Variants in CDCA7L observed in about 807,000 individuals in gnomAD.
The protein encoded by CDCA7L is cell division cycle associated 7 like.
A neutral mutation model predicts 57.4 loss-of-function variants in CDCA7L; 44 were observed. The observed-to-expected ratio is 0.77, with a 90% CI of 0.60 to 0.98. CDCA7L has a LOEUF of 0.98. Among genes scored for constraint, CDCA7L ranks in the 50% least tolerant of loss-of-function variants. The probability of loss-of-function intolerance (pLI) is 0.00; values close to 1 mark genes in which losing one functional copy is unlikely to be tolerated. For synonymous variants in CDCA7L, 236 were observed against 202.8 expected (o/e 1.16, Z -1.39); for missense variants, 644 against 580.6 (o/e 1.11, Z -1.12).
Position 21,901,159 on chromosome 7 carries a change from A to G in CDCA7L, c.*1163T>C. The G allele has an allele frequency of 6.2e-7, 1 of 1,612,538 alleles. No homozygotes were observed. On this transcript the variant is annotated 3_prime_UTR_variant, in exon 10 of 10. Coordinates refer to ENST00000406877, the MANE Select transcript of CDCA7L (RefSeq NM_018719.5). ...GTGCCCTGTGTATAGAACCAAACTG[A>G]GAGGCCCCAGCTACATCTGGACCTT...
chr7:21,901,190 TGAAGAGC>T lies in CDCA7L; in HGVS notation c.*1125_*1131del, dbSNP rs1212535211. 3.7e-6 allele frequency: 6 copies of T among 1,613,494 alleles called. No individual in the cohort carries two copies. Among genetic ancestry groups the T allele is most frequent in the South Asian group, 1.1e-5 (1 of 90,962 alleles). ...CCCAGCTACATCTGGACCTTCAGGCTGAAGAGCGAAGAGAAGACTGCAAAATGGGTTC... is the reference window on the plus strand; with the variant it reads ...CCCAGCTACATCTGGACCTTCAGGCTGAAGAGAAGACTGCAAAATGGGTTC... On this transcript the variant is annotated 3_prime_UTR_variant, in exon 10 of 10. Coordinates refer to ENST00000406877, the MANE Select transcript of CDCA7L (RefSeq NM_018719.5).
In CDCA7L at chr7:21,906,400, G is replaced by A. The variant is rs375239883; in HGVS notation, c.810C>T (p.Asn270=). The A allele has an allele frequency of 3.7e-6, 6 of 1,613,522 alleles. No homozygotes were observed. The highest frequency in any genetic ancestry group is 5.1e-6 in the Non-Finnish European group (6 of 1,179,732). ...CAGGAGGCCGCGCACTCCGGGTTGG[G>A]TTCATACGCCGCGTGATCTGTCCCT... The part of the protein sequence containing the change: ...FSEGQITRRM[N]PTRSARPPEK... The change falls in exon 6 of 10, where the codon AAC becomes AAT. Residue 270 remains asparagine (N), a synonymous_variant. Transcript: ENST00000406877.
At chr7:21,938,541 CT>C (rs769801967) in intron 1 of CDCA7L, among the ~76,000 whole-genome samples, 3 of 152,212 alleles carry the variant, frequency 2.0e-5, no homozygotes, top group African/African-American at 7.2e-5. Flanking sequence ...AGCAATTCTA[CT>C]TTTAGGAACA....
chr7:21,927,141 G>A lies in CDCA7L; in HGVS notation c.25-10247C>T, dbSNP rs1034159713. On this transcript the variant is annotated intron_variant, in intron 1 of 9. Coordinates refer to ENST00000406877, the MANE Select transcript of CDCA7L (RefSeq NM_018719.5). The stretch of plus-strand genomic sequence containing the variant: ...ACATATAAAAAAGAAGAAAAACCTG[G>A]CCCATTCAAAGAAGCAAAATTAATT... Among the ~76,000 whole-genome samples the A allele has an allele frequency of 3.3e-5, 5 of 152,224 alleles. No individual in the cohort carries two copies. The East Asian group carries it at 7.7e-4, about 24-fold the overall frequency.
In CDCA7L at chr7:21,901,001, C is replaced by T. The variant is rs745795906; in HGVS notation, c.*1321G>A. ...CACAATTGCAACCGCTGTGTTTTTGCCATAGGCGCCCGCTGGGACACCCAA... is the reference window on the plus strand; with the variant it reads ...CACAATTGCAACCGCTGTGTTTTTGTCATAGGCGCCCGCTGGGACACCCAA... On this transcript the variant is annotated 3_prime_UTR_variant, in exon 10 of 10. Coordinates refer to ENST00000406877, the MANE Select transcript of CDCA7L (RefSeq NM_018719.5). 6.3e-7 allele frequency: 1 copy of T among 1,577,968 alleles called. No individual in the cohort carries two copies. The highest frequency in any genetic ancestry group is 1.9e-5 in the Admixed American group (1 of 53,728).
intron 3 of CDCA7L, among the ~76,000 whole-genome samples, chr7:21,911,060 C>T (rs369553896): frequency 8.2e-4 from 95 of 116,020 alleles, no homozygotes; most frequent in African/African-American, 1.5e-3. Context: ...GATGGAGTCT[C>T]GCTCTGTCAC....
chr7:21,909,860 G>C (rs1347654871), intron 3 of CDCA7L, among the ~76,000 whole-genome samples: 2 of 152,170 alleles, frequency 1.3e-5, no homozygotes, highest in Non-Finnish European at 2.9e-5. Context: ...CACAAGTGTA[G>C]TACATGGATG....
chr7:21,917,950 T>A (rs200725424), intron 1 of CDCA7L, among the ~76,000 whole-genome samples: 1 of 75,974 alleles, frequency 1.3e-5, no homozygotes, highest in Non-Finnish European at 2.2e-5. Context: ...GCAACTGTTC[T>A]ATTTGATTTT....
At chr7:21,907,879 C>T (rs1301563809) in intron 4 of CDCA7L, among the ~76,000 whole-genome samples, 1 of 152,186 alleles carries the variant, frequency 6.6e-6, no homozygotes, top group Non-Finnish European at 1.5e-5. Context: ...CAACAGTAAG[C>T]AGCATTATGG....
Position 21,901,081 on chromosome 7 carries a change from A to ATCTT in CDCA7L, c.*1237_*1240dup. 7 of 1,613,876 alleles carry ATCTT rather than the reference A, an allele frequency of 4.3e-6. No individual in the cohort carries two copies. Among genetic ancestry groups the ATCTT allele is most frequent in the Non-Finnish European group, 5.9e-6 (7 of 1,179,782 alleles). ...GGAGCTGGCATGCCCTATGCCGGTC[A>ATCTT]TCTTTGCAAAAGCCACCCCCGTGGA... On this transcript the variant is annotated 3_prime_UTR_variant, in exon 10 of 10. Transcript: ENST00000406877.
chr7:21,915,036 G>T (rs1381675423), intron 2 of CDCA7L, among the ~76,000 whole-genome samples: 4 of 152,154 alleles, frequency 2.6e-5, no homozygotes, highest in African/African-American at 9.7e-5. Context: ...CTCAGATGGA[G>T]GGCTAAGGGA....
intron 2 of CDCA7L, among the ~76,000 whole-genome samples, chr7:21,915,276 C>A (rs1317767425): frequency 3.3e-5 from 5 of 152,238 alleles, no homozygotes; most frequent in Middle Eastern, 3.4e-3. Context: ...GCCAGAAAGA[C>A]AACCAAGGGA....
chr7:21,930,174 C>T (rs539166478), intron 1 of CDCA7L, among the ~76,000 whole-genome samples: 8 of 152,228 alleles, frequency 5.3e-5, no homozygotes, highest in Non-Finnish European at 1.0e-4. Context: ...CACTCAAAAC[C>T]GCACAACTAC....
chr7:21,937,122 C>T (rs938137692), intron 1 of CDCA7L, among the ~76,000 whole-genome samples: 4 of 152,110 alleles, frequency 2.6e-5, no homozygotes, highest in Non-Finnish European at 5.9e-5. Flanking sequence ...ACACTGAAAA[C>T]TACATCCCCG....
chr7:21,913,000 A>G (rs1785379875), intron 2 of CDCA7L, among the ~76,000 whole-genome samples: 1 of 152,030 alleles, frequency 6.6e-6, no homozygotes, highest in South Asian at 2.1e-4. Context: ...CATCAAGACT[A>G]GAGTCTGTCC....
chr7:21,903,184 C>A, intron 8 of CDCA7L, 70 bp from the exon 9 acceptor site: 1 of 1,492,396 alleles, frequency 6.7e-7, no homozygotes, highest in Non-Finnish European at 9.1e-7. Context: ...GGATTCGGAT[C>A]CAGAATGGCT....
intron 7 of CDCA7L, among the ~76,000 whole-genome samples, chr7:21,905,284 G>A (rs558145287): frequency 4.6e-5 from 7 of 152,184 alleles, no homozygotes; most frequent in African/African-American, 1.4e-4. Context: ...CCTTCCCCCA[G>A]ATTCTACGCA....
intron 1 of CDCA7L, among the ~76,000 whole-genome samples, chr7:21,939,956 T>G (rs1786287725): frequency 1.1e-5 from 1 of 88,206 alleles, no homozygotes; most frequent in African/African-American, 4.6e-5. Flanking sequence ...AATCAATAGC[T>G]TCAAACCAAA....
chr7:21,901,210 G>C lies in CDCA7L; in HGVS notation c.*1112C>G, dbSNP rs913876193. 1 of 1,613,250 alleles carries C rather than the reference G, an allele frequency of 6.2e-7. No homozygotes were observed. The highest frequency in any genetic ancestry group is 1.3e-5 in the African/African-American group (1 of 74,808). ...CAGGCTGAAGAGCGAAGAGAAGACT[G>C]CAAAATGGGTTCTGGCTGGAGTGGC... On this transcript the variant is annotated 3_prime_UTR_variant, in exon 10 of 10. Coordinates refer to ENST00000406877, the MANE Select transcript of CDCA7L (RefSeq NM_018719.5).
Sources: gnomAD v4.1 joint callset for allele counts (sites outside exome capture counted in the v4.1 genomes callset) on GRCh38, gnomAD v4.1.1 for gene constraint, MANE v1.5 for transcripts, NCBI Gene and HGNC (gene_info 2026-07-23, HGNC 2026-07-21) for gene names.